Variants in TSNARE1 observed in about 807,000 individuals in gnomAD.
TSNARE1 encodes the protein t-SNARE domain containing 1, also known as t-SNARE domain-containing protein 1.
TSNARE1 carries 49 observed loss-of-function variants against 62.0 expected under a neutral mutation model. That is an observed-to-expected ratio of 0.79 (90% CI 0.63 to 1.00). The LOEUF is 1.00. Ranked by LOEUF, TSNARE1 falls within the 50% of genes least tolerant of loss-of-function variation. The probability of loss-of-function intolerance (pLI) is 0.00; values close to 1 mark genes in which losing one functional copy is unlikely to be tolerated. For synonymous variants in TSNARE1, 328 were observed against 294.4 expected (o/e 1.11, Z -1.17); for missense variants, 755 against 700.1 (o/e 1.08, Z -0.88).
chr8:142,232,766 G>A (rs1817187181), intron 12 of TSNARE1, among the ~76,000 whole-genome samples: 1 of 152,252 alleles, frequency 6.6e-6, no homozygotes, highest in Non-Finnish European at 1.5e-5. Context: ...CAGGGCCCAG[G>A]GATGCCAGAT....
chr8:142,214,183 C>T (rs1466662276), intron 13 of TSNARE1, among the ~76,000 whole-genome samples: 1 of 152,192 alleles, frequency 6.6e-6, no homozygotes, highest in Admixed American at 6.5e-5. Flanking sequence ...GCCCGCCTGG[C>T]CCTGGGAACC....
intron 10 of TSNARE1, among the ~76,000 whole-genome samples, chr8:142,288,580 G>A (rs1415808522): frequency 2.6e-5 from 4 of 152,234 alleles, no homozygotes; most frequent in East Asian, 1.9e-4. Context: ...TGCTGGTGCC[G>A]AGGATGCGGC....
intron 2 of TSNARE1, among the ~76,000 whole-genome samples, chr8:142,347,215 G>C (rs1198529848): frequency 1.3e-5 from 2 of 152,272 alleles, no homozygotes; most frequent in Non-Finnish European, 2.9e-5. Flanking sequence ...CAGCAAAGTA[G>C]ATCAGAGTCA....
chr8:142,349,964 C>T (rs907919154), intron 2 of TSNARE1, among the ~76,000 whole-genome samples: 1 of 145,172 alleles, frequency 6.9e-6, no homozygotes, highest in Non-Finnish European at 1.5e-5. Context: ...GGGACCAGGG[C>T]AGGCAGGGCA....
intron 9 of TSNARE1, among the ~76,000 whole-genome samples, chr8:142,311,628 T>G (rs1827640706): frequency 6.6e-6 from 1 of 152,152 alleles, no homozygotes; most frequent in South Asian, 2.1e-4. Context: ...AATTTATCTA[T>G]TCATAGAGCT....
In TSNARE1 at chr8:142,377,982, G is replaced by A. The variant is rs149852777; in HGVS notation, c.-39-23219C>T. On this transcript the variant is annotated intron_variant, in intron 1 of 13. Coordinates refer to ENST00000524325, the MANE Select transcript of TSNARE1 (RefSeq NM_145003.5). ...AAGTGGATGGGCTGCATGTGCATGC[G>A]TCACACAGCCATCCCACACAGGGAT... 2.2e-4 allele frequency among the ~76,000 whole-genome samples: 33 copies of A among 152,306 alleles called. No homozygotes were observed. In the East Asian group the frequency reaches 3.7e-3, roughly 17 times the overall value.
At chr8:142,239,743 T>G (rs1817597811) in intron 12 of TSNARE1, among the ~76,000 whole-genome samples, 1 of 152,124 alleles carries the variant, frequency 6.6e-6, no homozygotes, top group Non-Finnish European at 1.5e-5. Flanking sequence ...TAGCGCCAAC[T>G]CACCACTTCT....
rs1158133538 is a variant in TSNARE1 at position 142,223,310 on chromosome 8, T to C, written c.*11+6163A>G. Among the ~76,000 whole-genome samples the C allele has an allele frequency of 1.0e-3, 89 of 87,882 alleles. 2 individuals are homozygous for C. Among genetic ancestry groups the C allele is most frequent in the African/African-American group, 3.5e-3 (76 of 21,928 alleles). 57.7% of individuals were successfully genotyped at this position (87,882 alleles called of 152,430 possible). Reference sequence around the variant, plus strand: ...CATACTCACTCAACCACTCACTCATTCACTCACTCATTCACTCACTCGTTC... The same window carrying C: ...CATACTCACTCAACCACTCACTCATCCACTCACTCATTCACTCACTCGTTC... On this transcript the variant is annotated intron_variant, in intron 13 of 13. Coordinates refer to ENST00000524325, the MANE Select transcript of TSNARE1 (RefSeq NM_145003.5).
At position 142,222,967 on chromosome 8, in the gene TSNARE1, T is replaced by TCCACTCATCCAC. The variant is rs1563756356; in HGVS notation, c.*11+6505_*11+6506insGTGGATGAGTGG. On this transcript the variant is annotated intron_variant, in intron 13 of 13. Transcript: ENST00000524325. Reference sequence around the variant, plus strand: ...ACTCACTCATCCACTCACTCACTCATTCACTCACTCACTCATTCACTCACT... The same window carrying TCCACTCATCCAC: ...ACTCACTCATCCACTCACTCACTCATCCACTCATCCACTCACTCACTCACTCATTCACTCACT... 2.5e-3 allele frequency among the ~76,000 whole-genome samples: 326 copies of TCCACTCATCCAC among 129,134 alleles called. 4 individuals carry two copies. The highest frequency in any genetic ancestry group is 8.9e-3 in the African/African-American group (306 of 34,554). 84.7% of individuals were successfully genotyped at this position (129,134 alleles called of 152,430 possible).
At position 142,403,152 on chromosome 8, in the gene TSNARE1, G is replaced by A. The variant is rs1838430901; in HGVS notation, c.-88C>T. On this transcript the variant is annotated 5_prime_UTR_variant, in exon 1 of 14. Coordinates refer to ENST00000524325, the MANE Select transcript of TSNARE1 (RefSeq NM_145003.5). ...CGCTCCGGGCGCTCACGGCGGGCGAGGCGGGCGGGGCGGGCACCCAAACAT... is the reference window on the plus strand; with the variant it reads ...CGCTCCGGGCGCTCACGGCGGGCGAAGCGGGCGGGGCGGGCACCCAAACAT... The A allele has an allele frequency of 6.7e-6, 1 of 148,232 alleles. No homozygotes were observed. The highest frequency in any genetic ancestry group is 6.7e-5 in the Admixed American group (1 of 14,952). The allele number at this position is 148,232 out of a possible 1,614,324, so 9.2% of individuals were successfully genotyped here.
In TSNARE1 at chr8:142,214,638, C is replaced by A. The variant is rs567399796; in HGVS notation, c.*12-2325G>T. 1.1e-3 allele frequency among the ~76,000 whole-genome samples: 173 copies of A among 152,300 alleles called. No individual in the cohort carries two copies. The Middle Eastern group carries it at 0.024, about 21-fold the overall frequency. On this transcript the variant is annotated intron_variant, in intron 13 of 13. Transcript: ENST00000524325. ...ACCAGCCTCATTCCAGCCCCTGCTA[C>A]GGTCTGAGTGCTTGTGTTCCTCCAA...
Position 142,319,969 on chromosome 8 carries a change from C to T in TSNARE1, c.894-1335G>A, listed in dbSNP as rs1829231033. 1.3e-5 allele frequency among the ~76,000 whole-genome samples: 2 copies of T among 152,140 alleles called. No individual in the cohort carries two copies. The highest frequency in any genetic ancestry group is 1.3e-4 in the Admixed American group (2 of 15,280). On this transcript the variant is annotated intron_variant, in intron 6 of 13. Transcript: ENST00000524325. The surrounding 1 kb of genome is among the most constrained non-coding windows in gnomAD (Gnocchi z 4.9). ...CTGAGGCTTTGGAGAGCCTCCAGTG[C>T]CTCCAGCTCCCAAACACGCCTCTTC...
chr8:142,354,897 A>C, intron 1 of TSNARE1, 134 bp from the exon 2 acceptor site: 1 of 577,512 alleles, frequency 1.7e-6, no homozygotes, highest in Non-Finnish European at 3.1e-6. Flanking sequence ...TCCCTAGGCT[A>C]CTCCAGGCTT....
chr8:142,328,508 T>C lies in TSNARE1; in HGVS notation c.893+2393A>G, dbSNP rs1310501478. ...AGGGATAAATATTCTTGCCTTTCTT[T>C]GTTCAATTGTGCTCTCGTGGCAGGA... On this transcript the variant is annotated intron_variant, in intron 6 of 13. Transcript: ENST00000524325. 1.3e-5 allele frequency among the ~76,000 whole-genome samples: 2 copies of C among 152,236 alleles called. 1 individual carries two copies. The highest frequency in any genetic ancestry group is 3.8e-4 in the East Asian group (2 of 5,204).
At chr8:142,268,333 C>T (rs1466972221) in intron 12 of TSNARE1, among the ~76,000 whole-genome samples, 1 of 152,252 alleles carries the variant, frequency 6.6e-6, no homozygotes, top group Non-Finnish European at 1.5e-5. Context: ...CCCCTAAGTT[C>T]TCGAGTCCCT....
At chr8:142,385,356 C>T (rs1244089056) in intron 1 of TSNARE1, among the ~76,000 whole-genome samples, 7 of 152,318 alleles carry the variant, frequency 4.6e-5, no homozygotes, top group South Asian at 2.1e-4. Context: ...CTGAAAAAAA[C>T]ACCTTCAAAA....
chr8:142,264,452 C>CT (rs1172532963), intron 12 of TSNARE1, among the ~76,000 whole-genome samples: 1 of 152,212 alleles, frequency 6.6e-6, no homozygotes, highest in Non-Finnish European at 1.5e-5. Flanking sequence ...AAGTTCAGCG[C>CT]TGGTGTTCAA....
chr8:142,350,170 GTGGGCAGGGCTGGGACCT>G (rs1833922320), intron 2 of TSNARE1, among the ~76,000 whole-genome samples: 1 of 125,396 alleles, frequency 8.0e-6, no homozygotes, highest in Non-Finnish European at 1.8e-5. Context: ...GGCAGGCAGG[GTGGGCAGGGCTGGGACCT>G]CGGCAGGCAG....
intron 4 of TSNARE1, among the ~76,000 whole-genome samples, chr8:142,338,243 G>A (rs931736323): frequency 3.3e-5 from 5 of 152,222 alleles, no homozygotes; most frequent in Middle Eastern, 3.2e-3. Context: ...TCTCACTGCA[G>A]GCCCCACTTA....
Sources: gnomAD v4.1 joint callset for allele counts (sites outside exome capture counted in the v4.1 genomes callset) on GRCh38, gnomAD v4.1.1 for gene constraint, Gnocchi (gnomAD v3.1) non-coding constraint, MANE v1.5 for transcripts, NCBI Gene and HGNC (gene_info 2026-07-23, HGNC 2026-07-21) for gene names.